ZNF467: variants seen among roughly 807,000 people sequenced by gnomAD.
ZNF467 encodes zinc finger protein EZI.
A neutral mutation model predicts 47.8 loss-of-function variants in ZNF467; 51 were observed. The ratio of observed to expected loss-of-function variants is 1.07; its 90% CI spans 0.85 to 1.35. The LOEUF is 1.35. ZNF467 is among the 40% of genes most tolerant of loss of function. The pLI is 0.00. For synonymous variants in ZNF467, 416 were observed against 372.9 expected, an observed-to-expected ratio of 1.12 and a Z score of -1.33; for missense variants, 992 against 858.1, an observed-to-expected ratio of 1.16 and a Z score of -1.95.
chr7:149,764,312 C>T lies in ZNF467; in HGVS notation c.*402G>A. 2 of 447,166 alleles carry T rather than the reference C, an allele frequency of 4.5e-6. No individual in the cohort carries two copies. Among genetic ancestry groups the T allele is most frequent in the Non-Finnish European group, 7.9e-6 (2 of 254,692 alleles). The allele number at this position is 447,166 out of a possible 1,614,324, so 27.7% of individuals were successfully genotyped here. On this transcript the variant is annotated 3_prime_UTR_variant, in exon 5 of 5. Transcript: ENST00000302017. ...TGTGTGGATGGAGGTGGGACAGTGG[C>T]TAAGGAGAGTCAGGTGTTCCCTCCC...
Position 149,764,512 on chromosome 7 carries a change from A to G in ZNF467, c.*202T>C, listed in dbSNP as rs1328216185. On this transcript the variant is annotated 3_prime_UTR_variant, in exon 5 of 5. Coordinates refer to ENST00000302017, the MANE Select transcript of ZNF467 (RefSeq NM_207336.3). ...CAAGAACTTCAGCTCAGCGGTTCCC[A>G]GCAAGGGTTCGCTGAGTCTCTGTCC... is the stretch of plus-strand genomic sequence containing the variant. The G allele has an allele frequency of 3.1e-6, 3 of 980,648 alleles. No homozygotes were observed. The highest frequency in any genetic ancestry group is 3.2e-5 in the African/African-American group (2 of 62,298). 60.7% of individuals were successfully genotyped at this position (980,648 alleles called of 1,614,324 possible). A position where few individuals can be genotyped will look rare whatever the true frequency, so the allele number is the denominator to read the frequency against.
chr7:149,764,302 GGGACA>G lies in ZNF467; in HGVS notation c.*407_*411del. Reference sequence around the variant, plus strand: ...GGGTGGTCTGTGTGTGGATGGAGGTGGGACAGTGGCTAAGGAGAGTCAGGTGTTCC... The same window carrying G: ...GGGTGGTCTGTGTGTGGATGGAGGTGGTGGCTAAGGAGAGTCAGGTGTTCC... On this transcript the variant is annotated 3_prime_UTR_variant, in exon 5 of 5. Coordinates refer to ENST00000302017, the MANE Select transcript of ZNF467 (RefSeq NM_207336.3). 7.5e-5 allele frequency: 38 copies of G among 505,946 alleles called. No homozygotes were observed. Among genetic ancestry groups the G allele is most frequent in the South Asian group, 1.6e-4 (5 of 31,304 alleles). 31.3% of individuals were successfully genotyped at this position (505,946 alleles called of 1,614,324 possible). A position where few individuals can be genotyped will look rare whatever the true frequency, so the allele number is the denominator to read the frequency against.
Position 149,766,029 on chromosome 7 carries a change from T to G in ZNF467, c.473A>C (p.Lys158Thr). The G allele has an allele frequency of 6.3e-7, 1 of 1,588,768 alleles. No individual in the cohort carries two copies. The highest frequency in any genetic ancestry group is 8.6e-7 in the Non-Finnish European group (1 of 1,167,362). ...ALSGWGPMPEKPYGCGECERR... is the reference protein window; with the variant it reads ...ALSGWGPMPETPYGCGECERR... ...CTCACACTCCCCGCAGCCGTAGGGC[T>G]TCTCCGGCATCGGACCCCACCCAGA... Residue 158 changes from lysine (K) to threonine (T), a missense_variant, in exon 5 of 5, where the codon AAG becomes ACG. By Grantham distance (78) the Lys-to-Thr change is moderately conservative. Coordinates refer to ENST00000302017, the MANE Select transcript of ZNF467 (RefSeq NM_207336.3).
rs1799188594 is a variant in ZNF467 at position 149,765,833 on chromosome 7, C to A, written c.669G>T (p.Lys223Asn). Reference protein sequence around the residue: ...ERPFPCSECDKRFSKKAHLTR... With the variant: ...ERPFPCSECDNRFSKKAHLTR... ...TCAGATGGGCCTTCTTGCTGAAGCG[C>A]TTGTCGCACTCGGAGCACGGGAAAG... The change falls in exon 5 of 5, where the codon AAG becomes AAT. Residue 223 changes from lysine (K) to asparagine (N), a missense_variant. By Grantham distance (94) the Lys-to-Asn change is moderately conservative (BLOSUM62 0). Transcript: ENST00000302017. The A allele has an allele frequency of 6.2e-7, 1 of 1,609,268 alleles. No individual in the cohort carries two copies. Among genetic ancestry groups the A allele is most frequent in the Non-Finnish European group, 8.5e-7 (1 of 1,178,136 alleles).
At position 149,765,176 on chromosome 7, in the gene ZNF467, A is replaced by G. The variant is rs1476598614; in HGVS notation, c.1326T>C (p.His442=). The G allele has an allele frequency of 4.0e-6, 6 of 1,503,568 alleles. No homozygotes were observed. Among genetic ancestry groups the G allele is most frequent in the African/African-American group, 1.4e-5 (1 of 70,228 alleles). 93.1% of individuals were successfully genotyped at this position (1,503,568 alleles called of 1,614,324 possible). A position where few individuals can be genotyped will look rare whatever the true frequency, so the allele number is the denominator to read the frequency against. The change falls in exon 5 of 5, where the codon CAT becomes CAC. Residue 442 remains histidine, a synonymous_variant. Coordinates refer to ENST00000302017, the MANE Select transcript of ZNF467 (RefSeq NM_207336.3). ...GCGGGTGCCGCGCCAGGTGCTGCCC[A>G]TGGGAGAAGCCGCGCCCGCAGTCCG... ...FCPDCGRGFS[H]GQHLARHPRV...
chr7:149,764,674 C>A lies in ZNF467; in HGVS notation c.*40G>T. On this transcript the variant is annotated 3_prime_UTR_variant, in exon 5 of 5. Coordinates refer to ENST00000302017, the MANE Select transcript of ZNF467 (RefSeq NM_207336.3). ...AGGCGGTCTCATGGCACGGGCCTCT[C>A]GAAACTGTGGGCAAGAAAGGGTCCT... The A allele has an allele frequency of 6.4e-7, 1 of 1,569,680 alleles. No individual in the cohort carries two copies. Among genetic ancestry groups the A allele is most frequent in the Non-Finnish European group, 8.7e-7 (1 of 1,154,752 alleles).
intron 4 of ZNF467, among the ~76,000 whole-genome samples, chr7:149,768,719 C>T (rs960512556): frequency 7.2e-5 from 11 of 152,096 alleles, no homozygotes; most frequent in Non-Finnish European, 1.0e-4. Flanking sequence ...CTGGGGAAGG[C>T]GGCATGTCAG....
In ZNF467 at chr7:149,764,746, G is replaced by C. The variant is rs569213675; in HGVS notation, c.1756C>G (p.Pro586Ala). The C allele has an allele frequency of 1.9e-5, 29 of 1,548,390 alleles. No homozygotes were observed. Among genetic ancestry groups the C allele is most frequent in the Non-Finnish European group, 2.4e-5 (27 of 1,144,324 alleles). ...ALAAPAWSAP[P>A]EVAPPPLFF is the part of the protein sequence containing the mutation. ...AAGAGCGGGGGCGGCGCCACCTCGG[G>C]GGGAGCGGACCAGGCTGGGGCCGCA... The change falls in exon 5 of 5, where the codon CCC becomes GCC. Residue 586 changes from proline (P) to alanine (A), a missense_variant. Coordinates refer to ENST00000302017, the MANE Select transcript of ZNF467 (RefSeq NM_207336.3).
upstream of ZNF467, among the ~76,000 whole-genome samples, chr7:149,775,774 G>A (rs1305375227): frequency 6.6e-6 from 1 of 151,682 alleles, no homozygotes; most frequent in African/African-American, 2.4e-5. Flanking sequence ...CAGATGCACT[G>A]GAAGGGGACA....
intron 4 of ZNF467, among the ~76,000 whole-genome samples, chr7:149,768,138 C>T (rs1799277912): frequency 1.3e-5 from 2 of 152,240 alleles, no homozygotes; most frequent in South Asian, 4.1e-4. Context: ...ATAGCACTTA[C>T]TGTTAACACT....
Position 149,764,780 on chromosome 7 carries a change from GTCCGGGGCCGCGTGGGCGGCT to G in ZNF467, c.1701_1721del (p.Glu567_Pro573del). On this transcript the variant is annotated inframe_deletion, in exon 5 of 5. Transcript: ENST00000302017. Reference sequence around the variant, plus strand: ...ACCAGGCTGGGGCCGCAAGGGCGGCGTCCGGGGCCGCGTGGGCGGCTTCGCCGTGAATGAGCTGGTGCCGCA... The same window carrying G: ...ACCAGGCTGGGGCCGCAAGGGCGGCGTCGCCGTGAATGAGCTGGTGCCGCA... 6.6e-7 allele frequency: 1 copy of G among 1,523,776 alleles called. No individual in the cohort carries two copies. Among genetic ancestry groups the G allele is most frequent in the African/African-American group, 1.4e-5 (1 of 72,066 alleles). 94.4% of individuals were successfully genotyped at this position (1,523,776 alleles called of 1,614,324 possible). A position where few individuals can be genotyped will look rare whatever the true frequency, so the allele number is the denominator to read the frequency against.
chr7:149,771,814 G>A (rs971493104), intron 1 of ZNF467, among the ~76,000 whole-genome samples: 3 of 148,216 alleles, frequency 2.0e-5, no homozygotes, highest in Non-Finnish European at 3.0e-5. Flanking sequence ...CTGCGAATCG[G>A]GCCGGCGCCT....
chr7:149,764,582 G>A lies in ZNF467; in HGVS notation c.*132C>T. On this transcript the variant is annotated 3_prime_UTR_variant, in exon 5 of 5. Coordinates refer to ENST00000302017, the MANE Select transcript of ZNF467 (RefSeq NM_207336.3). ...ATGCTGTGCGGACGCAGACACTGCGGGAAGGAAACAGGTGTCCCGCGGCGG... is the reference window on the plus strand; with the variant it reads ...ATGCTGTGCGGACGCAGACACTGCGAGAAGGAAACAGGTGTCCCGCGGCGG... 6.7e-7 allele frequency: 1 copy of A among 1,494,660 alleles called. No homozygotes were observed. The highest frequency in any genetic ancestry group is 1.2e-5 in the South Asian group (1 of 83,066). The allele number at this position is 1,494,660 out of a possible 1,614,324, so 92.6% of individuals were successfully genotyped here. A position where few individuals can be genotyped will look rare whatever the true frequency, so the allele number is the denominator to read the frequency against.
In ZNF467 at chr7:149,765,252, T is replaced by A. The variant is rs1045507347; in HGVS notation, c.1250A>T (p.Asp417Val). The A allele has an allele frequency of 1.4e-6, 2 of 1,467,702 alleles. No homozygotes were observed. The highest frequency in any genetic ancestry group is 2.9e-5 in the African/African-American group (2 of 70,106). 90.9% of individuals were successfully genotyped at this position (1,467,702 alleles called of 1,614,324 possible). A position where few individuals can be genotyped will look rare whatever the true frequency, so the allele number is the denominator to read the frequency against. ...GGGGGCGCGCTGGGGCACCACGGGA[T>A]CGGATCCTGGGCCGCAGCCCGGTCC... ...PGGPGCGPGS[D>V]PVVPQRAPSG... The change falls in exon 5 of 5, where the codon GAT becomes GTT. Residue 417 changes from aspartate (D) to valine (V), a missense_variant. Asp to Val is a radical substitution (Grantham distance 152). Coordinates refer to ENST00000302017, the MANE Select transcript of ZNF467 (RefSeq NM_207336.3).
chr7:149,768,616 G>A (rs892491410), intron 4 of ZNF467, among the ~76,000 whole-genome samples: 1 of 152,212 alleles, frequency 6.6e-6, no homozygotes, highest in Non-Finnish European at 1.5e-5. Context: ...GGATTGTTGA[G>A]AGAGAGTGAG....
At position 149,764,910 on chromosome 7, in the gene ZNF467, AC is replaced by A; in HGVS notation, c.1591del (p.Val531SerfsTer137). On this transcript the variant is annotated frameshift_variant, in exon 5 of 5. Coordinates refer to ENST00000302017, the MANE Select transcript of ZNF467 (RefSeq NM_207336.3). LOFTEE classifies it high-confidence loss of function. Reference sequence around the variant, plus strand: ...GCCTGTGTGGATCGCCTGGTGGCGGACTAGGTTGGTTTTGGAGCTGAAGCTG... The same window carrying A: ...GCCTGTGTGGATCGCCTGGTGGCGGATAGGTTGGTTTTGGAGCTGAAGCTG... ...ARSFSSKTNL[V>X]RHQAIHTGSR... 2 of 1,563,498 alleles carry A rather than the reference AC, an allele frequency of 1.3e-6. No homozygotes were observed. Among genetic ancestry groups the A allele is most frequent in the Non-Finnish European group, 1.7e-6 (2 of 1,158,772 alleles).
Position 149,772,713 on chromosome 7 carries a change from CCCT to C in ZNF467, c.-43+392_-43+394del, listed in dbSNP as rs1477490959. Among the ~76,000 whole-genome samples the C allele has an allele frequency of 3.4e-5, 5 of 148,968 alleles. 1 individual carries two copies. The South Asian group carries it at 6.5e-4, about 19-fold the overall frequency. On this transcript the variant is annotated intron_variant, in intron 1 of 4. Coordinates refer to ENST00000302017, the MANE Select transcript of ZNF467 (RefSeq NM_207336.3). ...CAGCTCCGGGGCTCACCTGTCAGCG[CCCT>C]CCTCTCCCGCCCCTACCGAGTGGCC...
At chr7:149,775,970 CCT>C, upstream of ZNF467, 1 of 1,198,890 alleles carries the variant, frequency 8.3e-7, no homozygotes, top group Non-Finnish European at 1.1e-6. Flanking sequence ...GCCTCTCTGC[CCT>C]CTCTGCAGCA....
chr7:149,776,149 G>A, upstream of ZNF467: 1 of 1,281,960 alleles, frequency 7.8e-7, no homozygotes, highest in Admixed American at 2.2e-5. Flanking sequence ...GCATGCCCAG[G>A]GACCCTCTGG....
Sources: gnomAD v4.1 joint callset for allele counts (sites outside exome capture counted in the v4.1 genomes callset) on GRCh38, gnomAD v4.1.1 for gene constraint, MANE v1.5 for transcripts, NCBI Gene and HGNC (gene_info 2026-07-23, HGNC 2026-07-21) for gene names.